Variants in MBP observed in about 807,000 individuals in gnomAD.
MBP encodes Golli-MBP.
MBP carries 16 observed loss-of-function variants against 35.8 expected under a neutral mutation model. That is an observed-to-expected ratio of 0.45 (90% CI 0.30 to 0.68). The LOEUF is 0.68. MBP is among the 30% of genes least tolerant of loss of function. The pLI, the probability that MBP is intolerant of heterozygous loss-of-function variation, is 0.08. For missense variants in MBP, 380 were observed against 404.7 expected (o/e 0.94, Z 0.52); for synonymous variants, 143 against 159.6 (o/e 0.90, Z 0.78).
At chr18:77,028,088 T>A (rs1270968324) in intron 3 of MBP, among the ~76,000 whole-genome samples, 1 of 149,306 alleles carries the variant, frequency 6.7e-6, no homozygotes, top group Non-Finnish European at 1.5e-5. Context: ...GGTCAGCAGA[T>A]AAACAAGTGA....
intron 2 of MBP, among the ~76,000 whole-genome samples, chr18:77,090,364 T>C (rs999369298): frequency 3.3e-5 from 5 of 151,486 alleles, no homozygotes; most frequent in Admixed American, 1.3e-4. Context: ...CACGTGTCCA[T>C]ACCAAACAAC....
intron 4 of MBP, chr18:77,015,223 A>T: frequency 4.1e-6 from 4 of 985,318 alleles, no homozygotes; most frequent in Non-Finnish European, 2.4e-6. Flanking sequence ...TTTATAATAC[A>T]TATTATCCAG....
At chr18:77,079,609 T>A (rs1483092520) in intron 2 of MBP, among the ~76,000 whole-genome samples, 1 of 152,228 alleles carries the variant, frequency 6.6e-6, no homozygotes, top group African/African-American at 2.4e-5. Context: ...ACAGTTTATT[T>A]GCTTGCTGAT....
chr18:77,004,085 C>T (rs1238408139), intron 4 of MBP: 4 of 152,234 alleles, frequency 2.6e-5, no homozygotes, highest in African/African-American at 7.2e-5. Flanking sequence ...TGAGACGACA[C>T]ATCCGACTGT....
intron 1 of MBP, among the ~76,000 whole-genome samples, chr18:77,121,246 G>T (rs1976875713): frequency 6.6e-6 from 1 of 151,982 alleles, no homozygotes; most frequent in Non-Finnish European, 1.5e-5. Context: ...AGAGATTGAG[G>T]GGTCAGTGAG....
chr18:76,980,903 G>GAGAT, intron 8 of MBP: 2 of 178,596 alleles, frequency 1.1e-5, no homozygotes, highest in South Asian at 1.2e-4. Flanking sequence ...CACACCCCTT[G>GAGAT]CTACACGCGC....
Position 76,989,195 on chromosome 18 carries a change from C to A in MBP, c.682-283G>T, listed in dbSNP as rs184087174. The A allele has an allele frequency of 8.1e-6, 5 of 616,966 alleles. No homozygotes were observed. The highest frequency in any genetic ancestry group is 3.6e-5 in the African/African-American group (2 of 55,130). 38.2% of individuals were successfully genotyped at this position (616,966 alleles called of 1,614,324 possible). A position where few individuals can be genotyped will look rare whatever the true frequency, so the allele number is the denominator to read the frequency against. On this transcript the variant is annotated intron_variant, in intron 5 of 8. Transcript: ENST00000355994. This position sits in a 1 kb window ranked among gnomAD's most constrained non-coding sequence, Gnocchi z 4.0. ...TGGGGAATGGGCCCATCTTGGGACACTGAGGGAGGCGGCGGACTTTGCTTC... is the reference window on the plus strand; with the variant it reads ...TGGGGAATGGGCCCATCTTGGGACAATGAGGGAGGCGGCGGACTTTGCTTC...
intron 4 of MBP, among the ~76,000 whole-genome samples, chr18:76,997,832 C>T (rs1210119232): frequency 1.3e-5 from 2 of 152,168 alleles, no homozygotes; most frequent in Non-Finnish European, 2.9e-5. Flanking sequence ...AGAGGCTCCG[C>T]CACCACGCCC....
chr18:77,027,424 G>A (rs968230913), intron 3 of MBP, among the ~76,000 whole-genome samples: 9 of 152,204 alleles, frequency 5.9e-5, no homozygotes. Context: ...AGGCTGCAAC[G>A]TCTAGCCCTG....
chr18:77,099,790 G>A (rs1465225541), intron 2 of MBP, among the ~76,000 whole-genome samples: 4 of 152,238 alleles, frequency 2.6e-5, no homozygotes, highest in African/African-American at 9.6e-5. Flanking sequence ...CTGCCCTGGG[G>A]GGAGCCGCCA....
At chr18:77,033,170 A>G (rs545752143) in intron 3 of MBP, among the ~76,000 whole-genome samples, 76 of 152,088 alleles carry the variant, frequency 5.0e-4, no homozygotes, top group African/African-American at 1.8e-3. Flanking sequence ...GTTTTGCCAC[A>G]TTGGCCAGGT....
At chr18:77,090,330 A>G (rs1439398383) in intron 2 of MBP, among the ~76,000 whole-genome samples, 1 of 152,230 alleles carries the variant, frequency 6.6e-6, no homozygotes, top group East Asian at 1.9e-4. Flanking sequence ...CATTTGCCTC[A>G]GCCGACAACG....
intron 8 of MBP, chr18:76,981,850 C>G (rs1599450390): frequency 6.6e-6 from 1 of 152,232 alleles, no homozygotes; most frequent in East Asian, 1.9e-4. Flanking sequence ...TTGGCACTCA[C>G]CTCACCTTTT....
chr18:77,084,539 T>C (rs1475571335), intron 2 of MBP, among the ~76,000 whole-genome samples: 2 of 151,862 alleles, frequency 1.3e-5, no homozygotes, highest in African/African-American at 4.8e-5. Flanking sequence ...TTGCTATTGA[T>C]CCTTGTAGCC....
intron 2 of MBP, among the ~76,000 whole-genome samples, chr18:77,098,080 A>G (rs1198127820): frequency 6.7e-6 from 1 of 149,408 alleles, no homozygotes; most frequent in East Asian, 2.0e-4. Flanking sequence ...AGCTCTTCAT[A>G]CCCATCACTG....
intron 2 of MBP, among the ~76,000 whole-genome samples, chr18:77,078,880 C>A (rs1384273215): frequency 6.6e-6 from 1 of 152,230 alleles, no homozygotes; most frequent in Non-Finnish European, 1.5e-5. Context: ...CTGGGAGCCC[C>A]AGGCGGGCTC....
At chr18:76,985,334 G>A (rs1599463346) in intron 7 of MBP, 7 of 1,290,300 alleles carry the variant, frequency 5.4e-6, no homozygotes, top group South Asian at 4.9e-5. Flanking sequence ...GCCGGTCCCC[G>A]GAGGCCCCGG....
At chr18:77,002,135 G>A (rs1970673576) in intron 4 of MBP, among the ~76,000 whole-genome samples, 1 of 152,188 alleles carries the variant, frequency 6.6e-6, no homozygotes, top group South Asian at 2.1e-4. Flanking sequence ...TTGGCTCCAT[G>A]TGGAGTTGCC....
At position 77,014,199 on chromosome 18, in the gene MBP, T is replaced by G. The variant is rs952789535; in HGVS notation, c.576+2633A>C. Reference sequence around the variant, plus strand: ...ATTTTTAATGCACTTTTCTTGAATGTCAGCTCCCAGCAACACAAGCATGGG... The same window carrying G: ...ATTTTTAATGCACTTTTCTTGAATGGCAGCTCCCAGCAACACAAGCATGGG... On this transcript the variant is annotated intron_variant, in intron 4 of 8. Transcript: ENST00000355994. 4 of 985,470 alleles carry G rather than the reference T, an allele frequency of 4.1e-6. No individual in the cohort carries two copies. In the African/African-American group the frequency reaches 7.0e-5, roughly 17 times the overall value. 61.0% of individuals were successfully genotyped at this position (985,470 alleles called of 1,614,324 possible). A position where few individuals can be genotyped will look rare whatever the true frequency, so the allele number is the denominator to read the frequency against.
Sources: gnomAD v4.1 joint callset for allele counts (sites outside exome capture counted in the v4.1 genomes callset) on GRCh38, gnomAD v4.1.1 for gene constraint, Gnocchi (gnomAD v3.1) non-coding constraint, MANE v1.5 for transcripts, NCBI Gene and HGNC (gene_info 2026-07-23, HGNC 2026-07-21) for gene names.